ZNF516: variants seen among roughly 807,000 people sequenced by gnomAD.
The protein encoded by ZNF516 is zinc finger protein 516.
In ZNF516, 19 loss-of-function variants were observed where a neutral mutation model predicts 79.7. The ratio of observed to expected loss-of-function variants is 0.24; its 90% CI spans 0.17 to 0.35. The LOEUF (loss-of-function observed/expected upper bound fraction) is 0.35. ZNF516 is among the 10% of genes least tolerant of loss of function. ZNF516 has a pLI of 1.00. For synonymous variants in ZNF516, 877 were observed against 739.5 expected (o/e 1.19, Z -3.02); for missense variants, 1,678 against 1,679.5 (o/e 1.00, Z 0.02).
At chr18:76,449,153 G>C (rs367813364) in intron 2 of ZNF516, among the ~76,000 whole-genome samples, 2 of 152,256 alleles carry the variant, frequency 1.3e-5, no homozygotes, top group African/African-American at 4.8e-5. Context: ...CAAAGCCATC[G>C]TTCCAGAGCA....
rs2075159848 is a variant in ZNF516 at position 76,397,238 on chromosome 18, C to T, written c.1811-16935G>A. On this transcript the variant is annotated intron_variant, in intron 3 of 6. Transcript: ENST00000443185. ...CCCTCATTCTCATCAAAGGGCAGCC[C>T]TGGGCTTTCATACAGAATAATAAAC... Among the ~76,000 whole-genome samples, 7 of 152,284 alleles carry T rather than the reference C, an allele frequency of 4.6e-5. No homozygotes were observed. The South Asian group carries it at 1.4e-3, about 32-fold the overall frequency.
At chr18:76,482,661 A>G (rs1231598771) in intron 1 of ZNF516, among the ~76,000 whole-genome samples, 1 of 152,220 alleles carries the variant, frequency 6.6e-6, no homozygotes, top group Non-Finnish European at 1.5e-5. Context: ...GTTTCTGGGA[A>G]GGCAGCCCTG....
intron 1 of ZNF516, among the ~76,000 whole-genome samples, chr18:76,466,597 A>C (rs1387119735): frequency 2.0e-5 from 3 of 152,200 alleles, no homozygotes; most frequent in East Asian, 1.9e-4. Flanking sequence ...TCTCCAGGAG[A>C]TCTAGTCAAG....
Position 76,490,127 on chromosome 18 carries a change from TTG to T in ZNF516, c.-272+5015_-272+5016del, listed in dbSNP as rs1328546258. 21 of 983,052 alleles carry T rather than the reference TTG, an allele frequency of 2.1e-5. No individual in the cohort carries two copies. The Admixed American group carries it at 1.1e-3, about 52-fold the overall frequency. 60.9% of individuals were successfully genotyped at this position (983,052 alleles called of 1,614,324 possible). On this transcript the variant is annotated intron_variant, in intron 1 of 6. Coordinates refer to ENST00000443185, the MANE Select transcript of ZNF516 (RefSeq NM_014643.4). ...AATTCAAATTCAATTACCAAAATAT[TTG>T]TGAGTCTTACACAGAATTCAGTTCA...
chr18:76,404,029 TG>T (rs1011185136), intron 3 of ZNF516, among the ~76,000 whole-genome samples: 8 of 152,326 alleles, frequency 5.3e-5, no homozygotes, highest in African/African-American at 1.9e-4. Flanking sequence ...GCTGGCAGCC[TG>T]GGGCTCCTGT....
upstream of ZNF516, among the ~76,000 whole-genome samples, chr18:76,496,015 A>G (rs1915466927): frequency 6.6e-6 from 1 of 151,938 alleles, no homozygotes. Context: ...TGTTCTTAAA[A>G]CTTCATTTCT....
intron 1 of ZNF516, among the ~76,000 whole-genome samples, chr18:76,479,917 C>T (rs1914402362): frequency 6.6e-6 from 1 of 152,168 alleles, no homozygotes; most frequent in South Asian, 2.1e-4. Context: ...TGCTGGGATC[C>T]CCCAGAGACA....
Position 76,463,417 on chromosome 18 carries a change from G to A in ZNF516, c.-271-276C>T, listed in dbSNP as rs540506468. On this transcript the variant is annotated intron_variant, in intron 1 of 6. Transcript: ENST00000443185. ...ACGCAGCAGCGAAGGTAACCAGGAC[G>A]CCGCCTAACTGTAGCAGCGGAACAA... Among the ~76,000 whole-genome samples the A allele has an allele frequency of 2.6e-5, 4 of 152,342 alleles. No individual in the cohort carries two copies. The South Asian group carries it at 6.2e-4, about 24-fold the overall frequency.
rs542880008 is a variant in ZNF516, at chr18:76,476,883, G to A, written c.-271-13742C>T. On this transcript the variant is annotated intron_variant, in intron 1 of 6. Coordinates refer to ENST00000443185, the MANE Select transcript of ZNF516 (RefSeq NM_014643.4). ...ATGCCGGTGCGGGGTGACTTGCTAC[G>A]GAGGCTTAAATCACTTTCAAGAGAA... is the stretch of plus-strand genomic sequence containing the variant. Among the ~76,000 whole-genome samples the A allele has an allele frequency of 1.2e-4, 19 of 152,238 alleles. No individual in the cohort carries two copies. The South Asian group carries it at 3.5e-3, about 28-fold the overall frequency.
intron 4 of ZNF516, among the ~76,000 whole-genome samples, chr18:76,373,609 G>A (rs1301936820): frequency 6.6e-6 from 1 of 152,170 alleles, no homozygotes; most frequent in East Asian, 1.9e-4. Flanking sequence ...CTTTTTTCAA[G>A]TAATTATTGT....
chr18:76,376,490 G>A (rs1204661128), intron 4 of ZNF516, among the ~76,000 whole-genome samples: 3 of 145,660 alleles, frequency 2.1e-5, no homozygotes, highest in African/African-American at 7.8e-5. Flanking sequence ...TTTGTGACTA[G>A]TATTTTTCAC....
intron 1 of ZNF516, among the ~76,000 whole-genome samples, chr18:76,472,034 G>A (rs887457088): frequency 6.6e-6 from 1 of 152,064 alleles, no homozygotes; most frequent in Non-Finnish European, 1.5e-5. Context: ...TCAGAATCAC[G>A]GCACTCTGCT....
At chr18:76,367,929 A>G (rs964885098) in intron 6 of ZNF516, among the ~76,000 whole-genome samples, 2 of 152,246 alleles carry the variant, frequency 1.3e-5, no homozygotes, top group African/African-American at 4.8e-5. Context: ...TAAGTGTCAC[A>G]TCAAATAATT....
intron 3 of ZNF516, among the ~76,000 whole-genome samples, chr18:76,397,040 C>A (rs771760616): frequency 1.3e-5 from 2 of 152,160 alleles, no homozygotes; most frequent in Non-Finnish European, 2.9e-5. Flanking sequence ...TTCAGAGGGA[C>A]ACAAGGAGCA....
intron 3 of ZNF516, among the ~76,000 whole-genome samples, chr18:76,398,813 T>C (rs1188188311): frequency 6.6e-6 from 1 of 152,198 alleles, no homozygotes; most frequent in Non-Finnish European, 1.5e-5. Context: ...AGCTAGCACC[T>C]GCATGGCTTT....
chr18:76,387,427 C>T (rs1303776802), intron 3 of ZNF516: 1 of 152,228 alleles, frequency 6.6e-6, no homozygotes, highest in African/African-American at 2.4e-5. Context: ...CCCGCACACG[C>T]TCTGCCATTG....
chr18:76,467,705 T>A lies in ZNF516; in HGVS notation c.-271-4564A>T, dbSNP rs945669294. Among the ~76,000 whole-genome samples, 1 of 152,220 alleles carries A rather than the reference T, an allele frequency of 6.6e-6. No individual in the cohort carries two copies. Reference sequence around the variant, plus strand: ...CCTCAAAAACATGTTGCAATCTACATGGGCTGCCTCATTTTCAAAGCAGAA... The same window carrying A: ...CCTCAAAAACATGTTGCAATCTACAAGGGCTGCCTCATTTTCAAAGCAGAA... On this transcript the variant is annotated intron_variant, in intron 1 of 6. Transcript: ENST00000443185. The surrounding 1 kb of genome is among the most constrained non-coding windows in gnomAD (Gnocchi z 4.2).
In ZNF516 at chr18:76,357,963, CTG is replaced by C. The variant is rs1403490005; in HGVS notation, c.*4533_*4534del. 6.6e-6 allele frequency among the ~76,000 whole-genome samples: 1 copy of C among 152,156 alleles called. No individual in the cohort carries two copies. Among genetic ancestry groups the C allele is most frequent in the Non-Finnish European group, 1.5e-5 (1 of 68,024 alleles). ...AAAACACAGCGTCTCCATTAAAAAA[CTG>C]TATGTCCTCGAGTCCACAAAAGAGT... On this transcript the variant is annotated 3_prime_UTR_variant, in exon 7 of 7. Transcript: ENST00000443185.
intron 1 of ZNF516, among the ~76,000 whole-genome samples, chr18:76,468,920 T>C (rs73479069): frequency 1.3e-5 from 2 of 152,192 alleles, no homozygotes; most frequent in Non-Finnish European, 2.9e-5. Flanking sequence ...CATTGTATAT[T>C]ATATGTCCTT....
Sources: allele counts gnomAD v4.1 joint callset (sites outside exome capture counted in the v4.1 genomes callset), GRCh38; gene constraint gnomAD v4.1.1; non-coding constraint Gnocchi (gnomAD v3.1); transcripts MANE v1.5; gene names NCBI Gene and HGNC (gene_info 2026-07-23, HGNC 2026-07-21).